LAMC2: variants seen among roughly 807,000 people sequenced by gnomAD.
LAMC2 encodes the protein laminin subunit gamma 2.
A neutral mutation model predicts 140.2 loss-of-function variants in LAMC2; 97 were observed. The observed-to-expected ratio is 0.69, with a 90% CI of 0.59 to 0.82. The LOEUF (loss-of-function observed/expected upper bound fraction) is 0.82, where lower values mean the gene tolerates loss of function less well. Among genes scored for constraint, LAMC2 ranks in the 40% least tolerant of loss-of-function variants. The pLI is 0.00. For synonymous variants in LAMC2, 513 were observed against 540.2 expected, an observed-to-expected ratio of 0.95 and a Z score of 0.70; for missense variants, 1,402 against 1,476.1, an observed-to-expected ratio of 0.95 and a Z score of 0.82.
At chr1:183,214,527 G>A (rs1450992212) in intron 2 of LAMC2, among the ~76,000 whole-genome samples, 2 of 152,174 alleles carry the variant, frequency 1.3e-5, no homozygotes, top group Non-Finnish European at 2.9e-5. Flanking sequence ...ACCTAGTGAA[G>A]GAGGGTAGGA....
At chr1:183,220,582 G>A (rs572284967) in intron 4 of LAMC2, among the ~76,000 whole-genome samples, 6 of 152,154 alleles carry the variant, frequency 3.9e-5, no homozygotes, top group African/African-American at 1.2e-4. Context: ...CAAGACAAAT[G>A]TGGCTCTGTT....
At chr1:183,188,038 A>G (rs1658209004) in intron 1 of LAMC2, among the ~76,000 whole-genome samples, 1 of 152,342 alleles carries the variant, frequency 6.6e-6, no homozygotes. Context: ...GATGCTATCA[A>G]TGCTATTTTA....
intron 1 of LAMC2, among the ~76,000 whole-genome samples, chr1:183,204,120 T>C (rs1658808238): frequency 6.6e-6 from 1 of 151,938 alleles, no homozygotes; most frequent in Middle Eastern, 3.2e-3. Flanking sequence ...CGAGAACCTG[T>C]CTCTACCAAA....
downstream of LAMC2, among the ~76,000 whole-genome samples, chr1:183,247,614 A>G (rs1258532793): frequency 6.6e-6 from 1 of 152,198 alleles, no homozygotes; most frequent in Non-Finnish European, 1.5e-5. Flanking sequence ...TCTGATAAAC[A>G]AACAGCTAAT....
rs113467864 is a variant in LAMC2, at chr1:183,237,513, T to C, written c.2754+9T>C. The C allele has an allele frequency of 4.3e-3, 6,899 of 1,610,026 alleles. 33 individuals are homozygous for C. The highest frequency in any genetic ancestry group is 0.026 in the Middle Eastern group (157 of 6,052). The stretch of plus-strand genomic sequence containing the variant: ...GAAAAAGTGGGAGAGAGGTATTCTT[T>C]TGTTAATTCATTCACTCAATAAAGA... On this transcript the variant is annotated intron_variant, in intron 18 of 22. Coordinates refer to ENST00000264144, the MANE Select transcript of LAMC2 (RefSeq NM_005562.3).
chr1:183,224,581 C>A (rs2102226578), intron 7 of LAMC2, among the ~76,000 whole-genome samples: 2 of 152,010 alleles, frequency 1.3e-5, no homozygotes, highest in South Asian at 2.1e-4. Context: ...AGGTGCCTAA[C>A]CCAAGGCAGG....
At chr1:183,258,201 C>T in the LAMC2 span, among the ~76,000 whole-genome samples, 709 of 152,338 alleles carry the variant, frequency 4.7e-3, 5 homozygotes, top group Middle Eastern at 0.034. Context: ...GGTCTGCCTA[C>T]TTCCTGTTCT....
At chr1:183,205,329 A>G (rs1251567673) in intron 1 of LAMC2, among the ~76,000 whole-genome samples, 2 of 152,316 alleles carry the variant, frequency 1.3e-5, no homozygotes, top group Admixed American at 6.5e-5. Context: ...GCTGTGTGGC[A>G]CATCTGTTGG....
intron 1 of LAMC2, among the ~76,000 whole-genome samples, chr1:183,205,229 TGAA>T (rs1658848729): frequency 6.6e-6 from 1 of 152,244 alleles, no homozygotes; most frequent in South Asian, 2.1e-4. Context: ...GTTAGCCAGA[TGAA>T]GAACCTCGCA....
intron 4 of LAMC2, among the ~76,000 whole-genome samples, chr1:183,220,289 A>C (rs1383045940): frequency 6.6e-6 from 1 of 152,064 alleles, no homozygotes; most frequent in East Asian, 1.9e-4. Flanking sequence ...TTTCTTTGTC[A>C]TATCCTCACC....
chr1:183,217,538 A>G (rs1659312097), intron 3 of LAMC2, among the ~76,000 whole-genome samples: 1 of 152,262 alleles, frequency 6.6e-6, no homozygotes, highest in Non-Finnish European at 1.5e-5. Flanking sequence ...ACCAAAAAGA[A>G]TATATGTATT....
chr1:183,199,022 T>C (rs764318791), intron 1 of LAMC2, among the ~76,000 whole-genome samples: 13 of 152,042 alleles, frequency 8.6e-5, no homozygotes, highest in Admixed American at 3.9e-4. Flanking sequence ...CTTTGTGTAA[T>C]GTATTGGGGA....
intron 2 of LAMC2, among the ~76,000 whole-genome samples, chr1:183,213,301 C>T (rs950011726): frequency 6.6e-6 from 1 of 152,214 alleles, no homozygotes; most frequent in African/African-American, 2.4e-5. Flanking sequence ...TGTTCATAGA[C>T]TCAAACTGTA....
chr1:183,208,251 T>C (rs1658961323), intron 2 of LAMC2, among the ~76,000 whole-genome samples, 182 bp downstream of exon 2: 1 of 152,182 alleles, frequency 6.6e-6, no homozygotes, highest in Non-Finnish European at 1.5e-5. Flanking sequence ...CTACCAGACA[T>C]TGGTCTTTTT....
intron 1 of LAMC2, among the ~76,000 whole-genome samples, chr1:183,202,810 T>G (rs1401964959): frequency 6.6e-6 from 1 of 152,220 alleles, no homozygotes; most frequent in Admixed American, 6.5e-5. Context: ...CCAAATTGCA[T>G]GTAAACTCCG....
At chr1:183,188,757 C>G (rs1464516371) in intron 1 of LAMC2, among the ~76,000 whole-genome samples, 1 of 152,186 alleles carries the variant, frequency 6.6e-6, no homozygotes, top group African/African-American at 2.4e-5. Flanking sequence ...GATAGGATTG[C>G]CTGGTGTGAG....
chr1:183,239,741 T>A, intron 20 of LAMC2, 178 bp downstream of exon 20: 1 of 659,008 alleles, frequency 1.5e-6, no homozygotes, highest in East Asian at 2.7e-5. Flanking sequence ...AATGATGTGT[T>A]TTTTTGTCCT....
Position 183,226,778 on chromosome 1 carries a change from A to G in LAMC2, c.1147A>G (p.Ile383Val), listed in dbSNP as rs199729402. The part of the protein sequence containing the change: ...GAPAPWVEQC[I>V]CPVGYKGQFC... Reference sequence around the variant, plus strand: ...CCCAGCACCCTGGGTTGAACAGTGTATATGTCCTGTTGGGTACAAGGGGCA... The same window carrying G: ...CCCAGCACCCTGGGTTGAACAGTGTGTATGTCCTGTTGGGTACAAGGGGCA... Residue 383 changes from isoleucine to valine, a missense_variant, in exon 9 of 23, where the codon ATA (isoleucine) becomes GTA (valine). Coordinates refer to ENST00000264144, the MANE Select transcript of LAMC2 (RefSeq NM_005562.3). The G allele has an allele frequency of 2.5e-4, 410 of 1,614,220 alleles. No individual in the cohort carries two copies. Among genetic ancestry groups the G allele is most frequent in the East Asian group, 9.1e-4 (41 of 44,886 alleles).
At chr1:183,206,409 C>T (rs1351512166) in intron 1 of LAMC2, among the ~76,000 whole-genome samples, 1 of 152,070 alleles carries the variant, frequency 6.6e-6, no homozygotes, top group Non-Finnish European at 1.5e-5. Context: ...TTTGGGAGGC[C>T]GAGGCAGGCG....
Sources: gnomAD v4.1 joint callset for allele counts (sites outside exome capture counted in the v4.1 genomes callset) on GRCh38, gnomAD v4.1.1 for gene constraint, MANE v1.5 for transcripts, NCBI Gene and HGNC (gene_info 2026-07-23, HGNC 2026-07-21) for gene names.